The following TENM3 variants were observed in gnomAD, a reference collection of about 807,000 sequenced individuals.
TENM3 encodes teneurin transmembrane protein 3.
Under a neutral mutation model 255.1 loss-of-function variants are expected in TENM3, and 63 were observed. The observed-to-expected ratio is 0.25, with a 90% CI of 0.20 to 0.30. The LOEUF (loss-of-function observed/expected upper bound fraction) is 0.30. TENM3 is among the 10% of genes least tolerant of loss of function. The pLI is 1.00. For synonymous variants in TENM3, 1,306 were observed against 1,322.3 expected, an observed-to-expected ratio of 0.99 and a Z score of 0.27; for missense variants, 2,929 against 3,461.1, an observed-to-expected ratio of 0.85 and a Z score of 3.86.
chr4:181,553,193 A>T, the TENM3 span, among the ~76,000 whole-genome samples: 5 of 151,892 alleles, frequency 3.3e-5, no homozygotes, highest in Middle Eastern at 3.4e-3. Flanking sequence ...GATCCTGAAG[A>T]TCCAGAAAAT....
At chr4:182,036,448 C>G in the TENM3 span, among the ~76,000 whole-genome samples, 1 of 151,818 alleles carries the variant, frequency 6.6e-6, no homozygotes, top group Admixed American at 6.6e-5. Flanking sequence ...ACCTTGGCAT[C>G]CCAAAGTGCT....
intron 4 of TENM3, among the ~76,000 whole-genome samples, chr4:182,618,476 T>G (rs954933709): frequency 1.3e-5 from 2 of 152,122 alleles, no homozygotes; most frequent in Non-Finnish European, 2.9e-5. Flanking sequence ...TATAGAAAAG[T>G]ACATTTAAAT....
chr4:181,860,942 T>G, the TENM3 span, among the ~76,000 whole-genome samples: 1 of 152,170 alleles, frequency 6.6e-6, no homozygotes, highest in African/African-American at 2.4e-5. Flanking sequence ...CTCAAAGGTA[T>G]CGCTCCAGCA....
chr4:182,144,585 C>T (rs921659932), upstream of TENM3: 4 of 149,148 alleles, frequency 2.7e-5, no homozygotes, highest in South Asian at 2.1e-4. Flanking sequence ...ACACTCGCGC[C>T]CCCTCCCCGC....
chr4:182,180,252 C>G (rs1004456858), intron 1 of TENM3, among the ~76,000 whole-genome samples: 2 of 151,986 alleles, frequency 1.3e-5, no homozygotes, highest in Non-Finnish European at 2.9e-5. Context: ...TGCTTTTCAC[C>G]AAATGACTTG....
At chr4:181,485,171 T>C in the TENM3 span, among the ~76,000 whole-genome samples, 1 of 152,204 alleles carries the variant, frequency 6.6e-6, no homozygotes, top group Non-Finnish European at 1.5e-5. Flanking sequence ...CGGTAGTCAC[T>C]GATGGCCTCT....
intron 1 of TENM3, among the ~76,000 whole-genome samples, chr4:182,305,355 G>A (rs965049553): frequency 6.6e-6 from 1 of 152,192 alleles, no homozygotes; most frequent in Non-Finnish European, 1.5e-5. Context: ...ATAATTGGAT[G>A]TGGCTTTTCA....
the TENM3 span, among the ~76,000 whole-genome samples, chr4:181,555,816 C>T: frequency 1.3e-5 from 2 of 152,188 alleles, no homozygotes; most frequent in Non-Finnish European, 2.9e-5. Context: ...GAATAGCATA[C>T]ATCATACATC....
At chr4:181,637,330 A>G in the TENM3 span, among the ~76,000 whole-genome samples, 1,891 of 152,352 alleles carry the variant, frequency 0.012, 20 homozygotes, top group Middle Eastern at 0.02. Context: ...AAGAAACAAA[A>G]CACGTCTTTT....
intron 5 of TENM3, among the ~76,000 whole-genome samples, chr4:182,631,020 C>T (rs1054336236): frequency 2.6e-5 from 4 of 152,008 alleles, no homozygotes; most frequent in South Asian, 2.1e-4. Context: ...TTTTAAGGAC[C>T]CATTAGTGAA....
chr4:181,639,399 C>A, the TENM3 span, among the ~76,000 whole-genome samples: 164 of 152,334 alleles, frequency 1.1e-3, no homozygotes, highest in Middle Eastern at 3.4e-3. Flanking sequence ...CAGCTCCACT[C>A]CCTGCAGCAC....
At chr4:181,593,420 T>G in the TENM3 span, among the ~76,000 whole-genome samples, 1 of 152,180 alleles carries the variant, frequency 6.6e-6, no homozygotes, top group Non-Finnish European at 1.5e-5. Context: ...CTCCATCAGC[T>G]TTCTAGAGAC....
intron 3 of TENM3, among the ~76,000 whole-genome samples, chr4:182,425,285 A>C (rs1018541983): frequency 1.3e-5 from 2 of 152,204 alleles, no homozygotes; most frequent in African/African-American, 4.8e-5. Flanking sequence ...AAAAAAGTCA[A>C]ACAACAACCC....
At chr4:181,719,160 C>T in the TENM3 span, among the ~76,000 whole-genome samples, 3 of 151,852 alleles carry the variant, frequency 2.0e-5, no homozygotes, top group South Asian at 4.1e-4. Context: ...GAGCCGAGAT[C>T]GCGCCACTGC....
At chr4:181,524,498 A>C in the TENM3 span, among the ~76,000 whole-genome samples, 1 of 152,196 alleles carries the variant, frequency 6.6e-6, no homozygotes, top group East Asian at 1.9e-4. Flanking sequence ...TATTTGATTA[A>C]TCAGTTCCTA....
chr4:181,521,298 T>C, the TENM3 span, among the ~76,000 whole-genome samples: 1 of 152,238 alleles, frequency 6.6e-6, no homozygotes, highest in Non-Finnish European at 1.5e-5. Context: ...CCTCGCTCTT[T>C]GTTATGAGCT....
At chr4:182,506,892 C>G (rs1333680052) in intron 3 of TENM3, among the ~76,000 whole-genome samples, 1 of 152,038 alleles carries the variant, frequency 6.6e-6, no homozygotes, top group African/African-American at 2.4e-5. Flanking sequence ...AGATCACTGG[C>G]CTTTATTATC....
At chr4:181,643,214 A>G in the TENM3 span, among the ~76,000 whole-genome samples, 1 of 152,210 alleles carries the variant, frequency 6.6e-6, no homozygotes, top group Admixed American at 6.5e-5. Context: ...GTTCTCCCTG[A>G]AGAGGTCCTT....
chr4:181,981,760 C>T, the TENM3 span, among the ~76,000 whole-genome samples: 46 of 152,020 alleles, frequency 3.0e-4, no homozygotes, highest in Non-Finnish European at 5.4e-4. Flanking sequence ...GAAAAAGTCA[C>T]AAGAGACTAT....
Sources: allele counts gnomAD v4.1 joint callset (sites outside exome capture counted in the v4.1 genomes callset), GRCh38; gene constraint gnomAD v4.1.1; transcripts MANE v1.5; gene names NCBI Gene and HGNC (gene_info 2026-07-23, HGNC 2026-07-21).